Variants in TOMM70 observed in about 807,000 individuals in gnomAD.
The protein encoded by TOMM70 is translocase of outer mitochondrial membrane 70, also known as mitochondrial import receptor subunit TOM70.
A neutral mutation model predicts 73.6 loss-of-function variants in TOMM70; 13 were observed. That is an observed-to-expected ratio of 0.18 (90% CI 0.11 to 0.28). The LOEUF (loss-of-function observed/expected upper bound fraction) is 0.28, where lower values mean the gene tolerates loss of function less well. Ranked by LOEUF, TOMM70 falls within the 10% of genes least tolerant of loss-of-function variation. TOMM70 has a pLI of 1.00. For synonymous variants in TOMM70, 257 were observed against 271.2 expected (o/e 0.95, Z 0.51); for missense variants, 609 against 747.5 (o/e 0.81, Z 2.16).
At chr3:100,390,945 C>T (rs1706752432) in intron 1 of TOMM70, among the ~76,000 whole-genome samples, 1 of 151,516 alleles carries the variant, frequency 6.6e-6, no homozygotes, top group South Asian at 2.1e-4. Flanking sequence ...CAAGACCATC[C>T]TGGCTAACAC....
chr3:100,378,986 G>A (rs542772355), intron 5 of TOMM70, among the ~76,000 whole-genome samples: 1 of 151,524 alleles, frequency 6.6e-6, no homozygotes, highest in African/African-American at 2.4e-5. Context: ...CAGCTTGGGC[G>A]ACAGAGCGAG....
Position 100,369,078 on chromosome 3 carries a change from C to G in TOMM70, c.1510G>C (p.Asp504His). The change falls in exon 10 of 12, where the codon GAT (aspartate) becomes CAT (histidine). Residue 504 changes from aspartate to histidine, a missense_variant. Physicochemically the swap from Asp to His is moderately conservative, Grantham distance 81. Around this residue, in one of 2 missense-constraint regions of TOMM70, gnomAD observed 432 missense variants for 584.1 expected, o/e 0.74. Transcript: ENST00000284320. ...GTTGTAGCATTATCTGGTTCCAAATCAATACATTTATCATACATTTCATCA... is the reference window on the plus strand; with the variant it reads ...GTTGTAGCATTATCTGGTTCCAAATGAATACATTTATCATACATTTCATCA... ...KADEMYDKCI[D>H]LEPDNATTYV... 5.6e-6 allele frequency: 9 copies of G among 1,613,366 alleles called. No homozygotes were observed. The highest frequency in any genetic ancestry group is 7.6e-6 in the Non-Finnish European group (9 of 1,179,626).
At chr3:100,387,587 GACACAGACACAGACACACACAC>G (rs1342141829) in intron 1 of TOMM70, among the ~76,000 whole-genome samples, 12 of 107,736 alleles carry the variant, frequency 1.1e-4, no homozygotes, top group Non-Finnish European at 2.2e-4. Flanking sequence ...AAAAGACACA[GACACAGACACAGACACACACAC>G]ACACACACAC....
chr3:100,367,763 C>G (rs1041838050), intron 11 of TOMM70, among the ~76,000 whole-genome samples: 1 of 152,148 alleles, frequency 6.6e-6, no homozygotes. Context: ...AAAAAATGTT[C>G]TTATCCAACT....
chr3:100,381,911 GAC>G, intron 4 of TOMM70, 148 bp from the exon 5 acceptor site: 1 of 790,592 alleles, frequency 1.3e-6, no homozygotes, highest in Middle Eastern at 4.0e-4. Flanking sequence ...CAGAACAAAA[GAC>G]AGTGGAAAAG....
chr3:100,386,266 G>T lies in TOMM70; in HGVS notation c.577C>A (p.Arg193Ser). Residue 193 changes from arginine (R) to serine (S), a missense_variant, in exon 3 of 12, where the codon CGT becomes AGT. By Grantham distance (110) the Arg-to-Ser change is moderately radical. Coordinates refer to ENST00000284320, the MANE Select transcript of TOMM70 (RefSeq NM_014820.5). ...TCTAGCTTCTCATGGGCTTTTGCAC[G>T]TCTAAAGAGAGCTTTCACATATTTG... ...NPKYVKALFR[R>S]AKAHEKLDNK... is the part of the protein sequence containing the mutation. The T allele has an allele frequency of 6.2e-7, 1 of 1,613,138 alleles. No homozygotes were observed. Among genetic ancestry groups the T allele is most frequent in the Non-Finnish European group, 8.5e-7 (1 of 1,179,488 alleles).
Position 100,401,027 on chromosome 3 carries a change from G to A in TOMM70, c.-78C>T. 3 of 1,415,610 alleles carry A rather than the reference G, an allele frequency of 2.1e-6. No homozygotes were observed. Among genetic ancestry groups the A allele is most frequent in the African/African-American group, 1.5e-5 (1 of 68,594 alleles). 87.7% of individuals were successfully genotyped at this position (1,415,610 alleles called of 1,614,324 possible). On this transcript the variant is annotated 5_prime_UTR_variant, in exon 1 of 12. Transcript: ENST00000284320. The stretch of plus-strand genomic sequence containing the variant: ...CAAACAGCGTGCGAAGGAAGACCGA[G>A]GGAGGGAAGGAAAGCAATGAGCGAG...
At chr3:100,395,257 T>C (rs138086763) in intron 1 of TOMM70, among the ~76,000 whole-genome samples, 2 of 152,154 alleles carry the variant, frequency 1.3e-5, no homozygotes, top group African/African-American at 4.8e-5. Context: ...TAATCCCAGC[T>C]ACTCGGGAGG....
chr3:100,373,701 A>T, intron 7 of TOMM70, 56 bp from the exon 8 acceptor site: 1 of 1,199,422 alleles, frequency 8.3e-7, no homozygotes, highest in Non-Finnish European at 1.2e-6. Context: ...AAGTATGTTC[A>T]GTGTCTCATC....
In TOMM70 at chr3:100,365,493, C is replaced by A; in HGVS notation, c.*71G>T. ...TTCCACCATTCAACACAGTTCATGA[C>A]AGTGTCTTTAGGGTTCAGTTGAAGA... On this transcript the variant is annotated 3_prime_UTR_variant, in exon 12 of 12. Coordinates refer to ENST00000284320, the MANE Select transcript of TOMM70 (RefSeq NM_014820.5). 1 of 1,591,444 alleles carries A rather than the reference C, an allele frequency of 6.3e-7. No homozygotes were observed. Among genetic ancestry groups the A allele is most frequent in the Non-Finnish European group, 8.6e-7 (1 of 1,163,788 alleles).
intron 1 of TOMM70, among the ~76,000 whole-genome samples, chr3:100,396,706 AT>A (rs1219009823): frequency 6.6e-6 from 1 of 152,200 alleles, no homozygotes; most frequent in Non-Finnish European, 1.5e-5. Flanking sequence ...AAAATGGCAC[AT>A]CATGGTAGAT....
intron 6 of TOMM70, 48 bp from the exon 7 acceptor site, chr3:100,375,200 C>T (rs1706548699): frequency 6.7e-7 from 1 of 1,486,066 alleles, no homozygotes; most frequent in South Asian, 1.4e-5. Flanking sequence ...TTTTTTCCCT[C>T]CAATCTAGTT....
intron 4 of TOMM70, 96 bp from the exon 5 acceptor site, chr3:100,381,859 T>G (rs1174275317): frequency 3.8e-5 from 49 of 1,272,898 alleles, no homozygotes; most frequent in Non-Finnish European, 5.0e-5. Context: ...TCATAAAAAT[T>G]GGATTCTCAT....
chr3:100,367,113 T>A (rs987532141), intron 11 of TOMM70, among the ~76,000 whole-genome samples: 1 of 152,046 alleles, frequency 6.6e-6, no homozygotes, highest in Non-Finnish European at 1.5e-5. Context: ...CCCAGCTACT[T>A]GGGTGGCTGA....
intron 7 of TOMM70, 96 bp from the exon 8 acceptor site, chr3:100,373,741 GC>G: frequency 2.7e-5 from 18 of 677,626 alleles, no homozygotes; most frequent in Non-Finnish European, 3.9e-5. Flanking sequence ...ATAATGCTGA[GC>G]ATGTAGTAGT....
At chr3:100,368,935 A>G in intron 10 of TOMM70, 103 bp downstream of exon 10, 1 of 782,734 alleles carries the variant, frequency 1.3e-6, no homozygotes, top group South Asian at 1.8e-5. Flanking sequence ...TTTGTCAATT[A>G]ACTTCTCTAC....
At chr3:100,392,346 TA>T (rs1706773221) in intron 1 of TOMM70, among the ~76,000 whole-genome samples, 1 of 152,202 alleles carries the variant, frequency 6.6e-6, no homozygotes, top group South Asian at 2.1e-4. Flanking sequence ...ACACATGATC[TA>T]AAGTAAATAC....
chr3:100,396,128 G>T (rs1356252157), intron 1 of TOMM70, among the ~76,000 whole-genome samples: 1 of 151,558 alleles, frequency 6.6e-6, no homozygotes. Context: ...ATTGAAAAGT[G>T]TTAACTAAGC....
intron 1 of TOMM70, among the ~76,000 whole-genome samples, chr3:100,390,315 A>G (rs999104544): frequency 3.3e-5 from 5 of 152,220 alleles, no homozygotes; most frequent in African/African-American, 9.6e-5. Context: ...ACTGATAGAA[A>G]CACTAAAATC....
Sources: gnomAD v4.1 joint callset for allele counts (sites outside exome capture counted in the v4.1 genomes callset) on GRCh38, gnomAD v4.1.1 for gene constraint, gnomAD v4.1.1 regional missense constraint, MANE v1.5 for transcripts, NCBI Gene and HGNC (gene_info 2026-07-23, HGNC 2026-07-21) for gene names.